HMGCLL1: variants seen among roughly 807,000 people sequenced by gnomAD.
The protein encoded by HMGCLL1 is 3-hydroxy-3-methylglutaryl-CoA lyase like 1.
In HMGCLL1, 36 loss-of-function variants were observed where a neutral mutation model predicts 39.1. That is an observed-to-expected ratio of 0.92 (90% CI 0.71 to 1.22). The LOEUF is 1.22. Among genes scored for constraint, HMGCLL1 ranks in the 50% most tolerant of loss-of-function variants. HMGCLL1 has a pLI of 0.00. For synonymous variants in HMGCLL1, 149 were observed against 144.0 expected (o/e 1.03, Z -0.25); for missense variants, 451 against 416.5 (o/e 1.08, Z -0.72).
At chr6:55,477,426 A>C (rs1470596314) in intron 7 of HMGCLL1, among the ~76,000 whole-genome samples, 1 of 49,904 alleles carries the variant, frequency 2.0e-5, no homozygotes, top group Non-Finnish European at 3.5e-5. Context: ...TTATCTTAAT[A>C]TATATTATAT....
chr6:55,546,753 C>T (rs750709656), intron 1 of HMGCLL1, among the ~76,000 whole-genome samples: 2 of 152,006 alleles, frequency 1.3e-5, no homozygotes, highest in African/African-American at 4.8e-5. Flanking sequence ...CTTAAACAGG[C>T]CAATAGTCTA....
chr6:55,621,494 T>C, the HMGCLL1 span, among the ~76,000 whole-genome samples: 3 of 151,886 alleles, frequency 2.0e-5, no homozygotes, highest in Admixed American at 2.0e-4. Context: ...AGCATTAGAT[T>C]CTCATAGTAC....
the HMGCLL1 span, among the ~76,000 whole-genome samples, chr6:55,658,222 T>G: frequency 1.1e-4 from 16 of 151,946 alleles, no homozygotes; most frequent in African/African-American, 3.9e-4. Context: ...GGACTTAATC[T>G]TCTCTTTTTG....
intron 7 of HMGCLL1, among the ~76,000 whole-genome samples, chr6:55,440,180 T>A (rs1763535231): frequency 6.6e-6 from 1 of 152,148 alleles, no homozygotes. Flanking sequence ...GCTTACATTA[T>A]TGGTTCCTCA....
chr6:55,677,790 C>G, the HMGCLL1 span, among the ~76,000 whole-genome samples: 1 of 152,172 alleles, frequency 6.6e-6, no homozygotes, highest in African/African-American at 2.4e-5. Flanking sequence ...GATAATATCA[C>G]AGTAACCTTT....
At chr6:55,663,633 A>G in the HMGCLL1 span, among the ~76,000 whole-genome samples, 1 of 151,930 alleles carries the variant, frequency 6.6e-6, no homozygotes, top group Admixed American at 6.6e-5. Context: ...TGTGGTGATC[A>G]GAAGAATGCA....
At chr6:55,519,035 T>C (rs1157808263) in intron 3 of HMGCLL1, among the ~76,000 whole-genome samples, 1 of 152,064 alleles carries the variant, frequency 6.6e-6, no homozygotes, top group Admixed American at 6.6e-5. Context: ...CTAGAGAAGA[T>C]TAGTAGTGAA....
chr6:55,463,028 T>C (rs908831834), intron 7 of HMGCLL1, among the ~76,000 whole-genome samples: 6 of 105,654 alleles, frequency 5.7e-5, no homozygotes, highest in Non-Finnish European at 8.8e-5. Context: ...CTTTTTTCTT[T>C]CTTTTTTTTT....
chr6:55,572,301 A>G (rs1195873302), intron 1 of HMGCLL1, among the ~76,000 whole-genome samples: 1 of 152,160 alleles, frequency 6.6e-6, no homozygotes, highest in Non-Finnish European at 1.5e-5. Flanking sequence ...TAAAATGAAA[A>G]GATTTGATAT....
intron 1 of HMGCLL1, among the ~76,000 whole-genome samples, chr6:55,567,155 C>G (rs1771257933): frequency 6.6e-6 from 1 of 151,798 alleles, no homozygotes; most frequent in African/African-American, 2.4e-5. Context: ...ATGAAGAAAA[C>G]AAGGATGGGT....
intron 1 of HMGCLL1, among the ~76,000 whole-genome samples, chr6:55,577,729 T>C (rs1419905671): frequency 2.0e-5 from 3 of 152,248 alleles, no homozygotes; most frequent in South Asian, 2.1e-4. Context: ...CCTGATTAAA[T>C]AACAGACTGA....
At chr6:55,435,827 AG>A (rs2127376649) in intron 8 of HMGCLL1, 64 bp from the exon 9 acceptor site, 1 of 768,652 alleles carries the variant, frequency 1.3e-6, no homozygotes, top group East Asian at 2.9e-5. Context: ...GATAAAACAT[AG>A]CCTTTTAAAT....
chr6:55,625,156 T>G, the HMGCLL1 span, among the ~76,000 whole-genome samples: 5 of 152,100 alleles, frequency 3.3e-5, no homozygotes, highest in African/African-American at 1.2e-4. Flanking sequence ...TACTCTCCTT[T>G]TGAGAGATAG....
intron 6 of HMGCLL1, among the ~76,000 whole-genome samples, chr6:55,496,731 G>A (rs928663878): frequency 6.6e-6 from 1 of 152,018 alleles, no homozygotes; most frequent in Non-Finnish European, 1.5e-5. Flanking sequence ...AGAGAAAGCT[G>A]AATTGCTCAA....
chr6:55,647,769 ATT>A, the HMGCLL1 span, among the ~76,000 whole-genome samples: 34 of 74,666 alleles, frequency 4.6e-4, no homozygotes, highest in South Asian at 1.2e-3. Flanking sequence ...ATTTTATTTT[ATT>A]TTTTTTTTTT....
At chr6:55,646,016 C>A in the HMGCLL1 span, among the ~76,000 whole-genome samples, 1 of 151,862 alleles carries the variant, frequency 6.6e-6, no homozygotes, top group African/African-American at 2.4e-5. Flanking sequence ...GCAAAGCCAT[C>A]AGTTTCTGGA....
intron 1 of HMGCLL1, among the ~76,000 whole-genome samples, chr6:55,578,114 T>A (rs1315942071): frequency 1.3e-5 from 2 of 152,226 alleles, no homozygotes; most frequent in Admixed American, 6.5e-5. Context: ...TTTTGTTCAC[T>A]AGTCGAATCA....
the HMGCLL1 span, among the ~76,000 whole-genome samples, chr6:55,649,387 T>C: frequency 6.6e-6 from 1 of 151,802 alleles, no homozygotes; most frequent in African/African-American, 2.4e-5. Context: ...TTTTTTTTTT[T>C]TCCTTTCTCC....
At chr6:55,480,898 C>T (rs142522056) in intron 7 of HMGCLL1, among the ~76,000 whole-genome samples, 3 of 152,222 alleles carry the variant, frequency 2.0e-5, no homozygotes, top group African/African-American at 7.2e-5. Flanking sequence ...ACAAACTTCA[C>T]TTAGTCTCAC....
Sources: gnomAD v4.1 joint callset for allele counts (sites outside exome capture counted in the v4.1 genomes callset) on GRCh38, gnomAD v4.1.1 for gene constraint, MANE v1.5 for transcripts, NCBI Gene and HGNC (gene_info 2026-07-23, HGNC 2026-07-21) for gene names.